Variants in STIM1 observed in about 807,000 individuals in gnomAD.
The protein encoded by STIM1 is stromal interaction molecule 1.
STIM1 carries 25 observed loss-of-function variants against 74.7 expected under a neutral mutation model. The observed-to-expected ratio is 0.33, with a 90% confidence interval of 0.24 to 0.47. STIM1 has a LOEUF of 0.47. Ranked by LOEUF, STIM1 falls within the 20% of genes least tolerant of loss-of-function variation. STIM1 has a pLI of 1.00. For synonymous variants in STIM1, 328 were observed against 348.8 expected (o/e 0.94, Z 0.66); for missense variants, 728 against 920.8 (o/e 0.79, Z 2.71).
intron 3 of STIM1, among the ~76,000 whole-genome samples, chr11:4,028,158 C>G (rs1223238912): frequency 6.6e-6 from 1 of 152,106 alleles, no homozygotes; most frequent in African/African-American, 2.4e-5. Flanking sequence ...TCTTTGCTCA[C>G]TGCAGCCTCT....
At chr11:3,941,673 T>TAGAGAGAGAGAGAGAG (rs1554959602) in intron 1 of STIM1, among the ~76,000 whole-genome samples, 3 of 90,736 alleles carry the variant, frequency 3.3e-5, no homozygotes, top group South Asian at 4.0e-4. Context: ...TATATATATA[T>TAGAGAGAGAGAGAGAG]AGAGAGAGAG....
chr11:4,007,706 T>A (rs2093796347), intron 2 of STIM1, among the ~76,000 whole-genome samples: 1 of 152,200 alleles, frequency 6.6e-6, no homozygotes, highest in African/African-American at 2.4e-5. Context: ...AATATCTGAA[T>A]TGTGCTTTCA....
At chr11:4,027,827 A>C (rs2136035825) in intron 3 of STIM1, among the ~76,000 whole-genome samples, 1 of 152,228 alleles carries the variant, frequency 6.6e-6, no homozygotes, top group African/African-American at 2.4e-5. Flanking sequence ...ATATGAGGTT[A>C]GAGGAGTGGC....
chr11:3,960,106 G>T (rs1257065203), intron 1 of STIM1, among the ~76,000 whole-genome samples: 1 of 152,112 alleles, frequency 6.6e-6, no homozygotes, highest in Non-Finnish European at 1.5e-5. Flanking sequence ...GAAGTTTGAT[G>T]GTTATCTCAA....
chr11:3,900,304 T>C (rs1002999662), intron 1 of STIM1, among the ~76,000 whole-genome samples: 1 of 152,106 alleles, frequency 6.6e-6, no homozygotes, highest in African/African-American at 2.4e-5. Context: ...AGTATTGGGG[T>C]GGGAGTGACC....
At chr11:3,931,869 C>A (rs1000400052) in intron 1 of STIM1, among the ~76,000 whole-genome samples, 5 of 152,124 alleles carry the variant, frequency 3.3e-5, no homozygotes, top group African/African-American at 1.2e-4. Context: ...ATATCTGAGC[C>A]CTAGCCTACC....
At chr11:4,018,582 T>C (rs1590652664) in intron 2 of STIM1, among the ~76,000 whole-genome samples, 1 of 143,232 alleles carries the variant, frequency 7.0e-6, no homozygotes, top group African/African-American at 2.7e-5. Flanking sequence ...GAGGTGGAGG[T>C]TGCGGTGAGC....
At chr11:3,942,126 T>C (rs2093018396) in intron 1 of STIM1, among the ~76,000 whole-genome samples, 1 of 152,100 alleles carries the variant, frequency 6.6e-6, no homozygotes, top group South Asian at 2.1e-4. Flanking sequence ...GTACTTGGAT[T>C]GGGTTTGAAG....
At chr11:3,994,586 A>C (rs2093645822) in intron 2 of STIM1, among the ~76,000 whole-genome samples, 1 of 151,138 alleles carries the variant, frequency 6.6e-6, no homozygotes, top group African/African-American at 2.4e-5. Context: ...AGCCTCCCCA[A>C]GTAGCTGGGA....
chr11:4,088,639 G>A (rs564761090), intron 12 of STIM1: 16 of 1,463,618 alleles, frequency 1.1e-5, no homozygotes, highest in East Asian at 9.9e-5. Context: ...GAGGAAGGGC[G>A]GAGAGGTACC....
intron 1 of STIM1, among the ~76,000 whole-genome samples, chr11:3,955,396 C>G (rs746500401): frequency 2.0e-5 from 3 of 152,030 alleles, no homozygotes; most frequent in Non-Finnish European, 4.4e-5. Context: ...AATATTCATG[C>G]CTCATTTTTA....
In STIM1 at chr11:3,921,230, G is replaced by A. The variant is rs562768653; in HGVS notation, c.140-46322G>A. On this transcript the variant is annotated intron_variant, in intron 1 of 12. Coordinates refer to ENST00000526596, the MANE Select transcript of STIM1 (RefSeq NM_001382567.1). Reference sequence around the variant, plus strand: ...TAATTTTGATTTAGCATCCCCAAATGTGGCTGCCATGATGGATTTGATATC... The same window carrying A: ...TAATTTTGATTTAGCATCCCCAAATATGGCTGCCATGATGGATTTGATATC... Among the ~76,000 whole-genome samples the A allele has an allele frequency of 5.3e-5, 8 of 152,304 alleles. No homozygotes were observed. The East Asian group carries it at 1.2e-3, about 22-fold the overall frequency.
At chr11:3,947,254 T>G (rs2093088364) in intron 1 of STIM1, 1 of 152,248 alleles carries the variant, frequency 6.6e-6, no homozygotes, top group Non-Finnish European at 1.5e-5. Context: ...TGTTTACAGC[T>G]TTTGGGTTTT....
chr11:4,081,019 C>G (rs1280495694), intron 7 of STIM1, among the ~76,000 whole-genome samples: 1 of 151,398 alleles, frequency 6.6e-6, no homozygotes, highest in Non-Finnish European at 1.5e-5. Flanking sequence ...TTTCAGGGAA[C>G]AGAAACCAAG....
chr11:3,868,443 C>G (rs1241814151), intron 1 of STIM1, among the ~76,000 whole-genome samples: 2 of 152,024 alleles, frequency 1.3e-5, no homozygotes, highest in African/African-American at 4.8e-5. Context: ...TTGAAATTAG[C>G]TTTATCTGAT....
Position 3,856,383 on chromosome 11 carries a change from C to T in STIM1, c.113C>T (p.Ala38Val). The T allele has an allele frequency of 3.7e-6, 6 of 1,614,124 alleles. No individual in the cohort carries two copies. Among genetic ancestry groups the T allele is most frequent in the Non-Finnish European group, 4.2e-6 (5 of 1,180,040 alleles). ...SEKATGTSSG[A>V]NSEESTAAEF... The stretch of plus-strand genomic sequence containing the variant: ...AAGGCGACAGGAACCAGCTCGGGGG[C>T]CAACTCTGAGGAGTCCACTGCAGCA... Residue 38 changes from alanine (A) to valine (V), a missense_variant, in exon 1 of 13, where the codon GCC (alanine) becomes GTC (valine). Physicochemically the swap from Ala to Val is moderately conservative, Grantham distance 64. Transcript: ENST00000526596.
chr11:3,857,208 C>T (rs1008910706), intron 1 of STIM1, among the ~76,000 whole-genome samples: 1 of 147,350 alleles, frequency 6.8e-6, no homozygotes, highest in East Asian at 2.0e-4. Flanking sequence ...TATCAGGCAG[C>T]AGGAGCCCTG....
chr11:3,897,076 G>T (rs990773752), intron 1 of STIM1, among the ~76,000 whole-genome samples: 1 of 152,084 alleles, frequency 6.6e-6, no homozygotes, highest in Non-Finnish European at 1.5e-5. Flanking sequence ...GCCTGTTATT[G>T]TCAATAAAGT....
At chr11:3,860,874 G>A (rs1192108254) in intron 1 of STIM1, among the ~76,000 whole-genome samples, 2 of 152,202 alleles carry the variant, frequency 1.3e-5, no homozygotes, top group Non-Finnish European at 2.9e-5. Context: ...TCTACGTTTT[G>A]TAGGGCCACA....
Sources: allele counts gnomAD v4.1 joint callset (sites outside exome capture counted in the v4.1 genomes callset), GRCh38; gene constraint gnomAD v4.1.1; transcripts MANE v1.5; gene names NCBI Gene and HGNC (gene_info 2026-07-23, HGNC 2026-07-21).